Variants in LASP1 observed in about 807,000 individuals in gnomAD.
LASP1 encodes LIM and SH3 protein 1.
Under a neutral mutation model 38.6 loss-of-function variants are expected in LASP1, and 10 were observed. The ratio of observed to expected loss-of-function variants is 0.26; its 90% CI spans 0.16 to 0.44. The LOEUF (loss-of-function observed/expected upper bound fraction) is 0.44, where lower values mean the gene tolerates loss of function less well. Ranked by LOEUF, LASP1 falls within the 20% of genes least tolerant of loss-of-function variation. The pLI, the probability that LASP1 is intolerant of heterozygous loss-of-function variation, is 1.00. For synonymous variants in LASP1, 132 were observed against 140.8 expected (o/e 0.94, Z 0.44); for missense variants, 243 against 375.7 (o/e 0.65, Z 2.92).
chr17:38,907,396 C>T (rs918323065), intron 4 of LASP1, among the ~76,000 whole-genome samples: 1 of 152,092 alleles, frequency 6.6e-6, no homozygotes, highest in Non-Finnish European at 1.5e-5. Flanking sequence ...GGGACTTGGG[C>T]GTGTGGTCAC....
At position 38,918,634 on chromosome 17, in the gene LASP1, C is replaced by A; in HGVS notation, c.642C>A (p.Ser214Arg). 1 of 1,610,090 alleles carries A rather than the reference C, an allele frequency of 6.2e-7. No homozygotes were observed. Among genetic ancestry groups the A allele is most frequent in the South Asian group, 1.1e-5 (1 of 90,860 alleles). ...GKRYRAVYDY[S>R]AADEDEVSFQ... is the part of the protein sequence containing the mutation. Reference sequence around the variant, plus strand: ...GGTACCGCGCGGTGTATGACTACAGCGCCGCCGACGAGGACGAGGTCTCCT... The same window carrying A: ...GGTACCGCGCGGTGTATGACTACAGAGCCGCCGACGAGGACGAGGTCTCCT... Residue 214 changes from serine to arginine, a missense_variant, in exon 7 of 7, where the codon AGC becomes AGA. By Grantham distance (110) the Ser-to-Arg change is moderately radical. This residue lies in a region of LASP1 where 165 missense variants were observed against 210.3 expected (regional missense o/e 0.78). Coordinates refer to ENST00000318008, the MANE Select transcript of LASP1 (RefSeq NM_006148.4). This position sits in a 1 kb window ranked among gnomAD's most constrained non-coding sequence, Gnocchi z 4.4.
At chr17:38,880,041 A>G (rs1219814060) in intron 2 of LASP1, among the ~76,000 whole-genome samples, 2 of 152,072 alleles carry the variant, frequency 1.3e-5, no homozygotes, top group Non-Finnish European at 2.9e-5. Context: ...GGGAAATGGG[A>G]CATTCTTCGA....
chr17:38,890,843 A>G (rs1179833864), intron 3 of LASP1, among the ~76,000 whole-genome samples: 12 of 152,168 alleles, frequency 7.9e-5, no homozygotes, highest in African/African-American at 2.9e-4. Flanking sequence ...GGGGAGGACC[A>G]GGGAATTTGC....
At chr17:38,882,309 G>T (rs532361681) in intron 2 of LASP1, among the ~76,000 whole-genome samples, 1 of 152,202 alleles carries the variant, frequency 6.6e-6, no homozygotes, top group Non-Finnish European at 1.5e-5. Flanking sequence ...GTGCAGTGGT[G>T]CGATCTCCGC....
chr17:38,878,100 A>T lies in LASP1; in HGVS notation c.84A>T (p.Ala28=), dbSNP rs755274304. Residue 28 remains alanine, a synonymous_variant, in exon 2 of 7, where the codon GCA becomes GCT. Coordinates refer to ENST00000318008, the MANE Select transcript of LASP1 (RefSeq NM_006148.4). ...TCCATCCCCAGTTCTGGCATAAAGC[A>T]TGCTTCCATTGCGAGACCTGCAAGA... The part of the protein sequence containing the change: ...VNCLDKFWHK[A]CFHCETCKMT... 1 of 1,613,724 alleles carries T rather than the reference A, an allele frequency of 6.2e-7. No individual in the cohort carries two copies. The highest frequency in any genetic ancestry group is 8.5e-7 in the Non-Finnish European group (1 of 1,179,664).
intron 3 of LASP1, among the ~76,000 whole-genome samples, chr17:38,892,359 C>T (rs866494527): frequency 9.9e-5 from 15 of 152,158 alleles, no homozygotes; most frequent in South Asian, 4.1e-4. Context: ...CACCCACCTG[C>T]GGCACAGAAG....
chr17:38,881,968 G>C (rs1388393212), intron 2 of LASP1, among the ~76,000 whole-genome samples: 1 of 152,230 alleles, frequency 6.6e-6, no homozygotes, highest in African/African-American at 2.4e-5. Context: ...GACTTGTTTG[G>C]GGGAGAGGCA....
At position 38,918,909 on chromosome 17, in the gene LASP1, GCTT is replaced by G; in HGVS notation, c.*135_*137del. ...GCTTGTGATTCCTACCCCTCTTCCAGCTTCTTTTGCCAACTGAAGCCTTCTTCT... is the reference window on the plus strand; with the variant it reads ...GCTTGTGATTCCTACCCCTCTTCCAGCTTTTGCCAACTGAAGCCTTCTTCT... On this transcript the variant is annotated 3_prime_UTR_variant, in exon 7 of 7. Coordinates refer to ENST00000318008, the MANE Select transcript of LASP1 (RefSeq NM_006148.4). The surrounding 1 kb of genome is among the most constrained non-coding windows in gnomAD (Gnocchi z 4.4). 9.4e-7 allele frequency: 1 copy of G among 1,059,448 alleles called. No homozygotes were observed. Among genetic ancestry groups the G allele is most frequent in the Non-Finnish European group, 1.3e-6 (1 of 745,026 alleles). 65.6% of individuals were successfully genotyped at this position (1,059,448 alleles called of 1,614,324 possible). A position where few individuals can be genotyped will look rare whatever the true frequency, so the allele number is the denominator to read the frequency against.
Position 38,890,499 on chromosome 17 carries a change from A to G in LASP1, c.244A>G (p.Ser82Gly), listed in dbSNP as rs1385782338. The change falls in exon 3 of 7, where the codon AGT (serine) becomes GGT (glycine). Residue 82 changes from serine to glycine, a missense_variant. Physicochemically the swap from Ser to Gly is moderately conservative, Grantham distance 56 (BLOSUM62 0). Transcript: ENST00000318008. ...LRLKQQSELQSQVRYKEEFEK... is the reference protein window; with the variant it reads ...LRLKQQSELQGQVRYKEEFEK... Reference sequence around the variant, plus strand: ...CCTCAAGCAACAGAGTGAGCTCCAGAGTCAGGTGAGGGGCTGGGCGGTGCT... The same window carrying G: ...CCTCAAGCAACAGAGTGAGCTCCAGGGTCAGGTGAGGGGCTGGGCGGTGCT... The G allele has an allele frequency of 1.2e-6, 2 of 1,613,746 alleles. No individual in the cohort carries two copies. Among genetic ancestry groups the G allele is most frequent in the Non-Finnish European group, 1.7e-6 (2 of 1,179,920 alleles).
At chr17:38,876,542 T>G (rs1275385088) in intron 1 of LASP1, among the ~76,000 whole-genome samples, 4 of 151,586 alleles carry the variant, frequency 2.6e-5, no homozygotes, top group Non-Finnish European at 5.9e-5. Context: ...TTTTGTATTT[T>G]TAGTAGATAC....
intron 3 of LASP1, among the ~76,000 whole-genome samples, chr17:38,891,319 G>A (rs1427810644): frequency 2.6e-5 from 4 of 152,128 alleles, no homozygotes; most frequent in Non-Finnish European, 4.4e-5. Context: ...GACTGCAGAG[G>A]TTCCACCCGG....
At chr17:38,890,393 C>T in intron 2 of LASP1, 27 bp from the exon 3 acceptor site, 1 of 1,598,064 alleles carries the variant, frequency 6.3e-7, no homozygotes, top group Non-Finnish European at 8.6e-7. Context: ...CCAGAGTCAC[C>T]CCCACTCTGT....
intron 3 of LASP1, among the ~76,000 whole-genome samples, chr17:38,891,399 G>A (rs1005951385): frequency 5.3e-5 from 8 of 152,172 alleles, no homozygotes; most frequent in South Asian, 4.1e-4. Context: ...GTGACTGCCC[G>A]GGTCCATCAG....
intron 4 of LASP1, among the ~76,000 whole-genome samples, chr17:38,907,485 G>A (rs538938337): frequency 2.0e-5 from 3 of 152,294 alleles, no homozygotes; most frequent in African/African-American, 7.2e-5. Flanking sequence ...GGCTGTTACT[G>A]AGCAATGAAA....
chr17:38,913,764 G>A (rs1247641938), intron 4 of LASP1, among the ~76,000 whole-genome samples: 1 of 152,212 alleles, frequency 6.6e-6, no homozygotes, highest in African/African-American at 2.4e-5. Flanking sequence ...CACTTTGGGA[G>A]GCCGAGGCGG....
At position 38,919,149 on chromosome 17, in the gene LASP1, G is replaced by A. The variant is rs938151803; in HGVS notation, c.*371G>A. ...TACCCACACATTCCAGGGCTGGGGT[G>A]AGCCTGACTGCCAGGACCCCAGGTC... is the stretch of plus-strand genomic sequence containing the variant. On this transcript the variant is annotated 3_prime_UTR_variant, in exon 7 of 7. Coordinates refer to ENST00000318008, the MANE Select transcript of LASP1 (RefSeq NM_006148.4). 1 of 297,660 alleles carries A rather than the reference G, an allele frequency of 3.4e-6. No individual in the cohort carries two copies. The highest frequency in any genetic ancestry group is 6.4e-6 in the Non-Finnish European group (1 of 155,304). 18.4% of individuals were successfully genotyped at this position (297,660 alleles called of 1,614,324 possible).
intron 2 of LASP1, among the ~76,000 whole-genome samples, chr17:38,879,807 C>A (rs1913890032): frequency 6.6e-6 from 1 of 152,044 alleles, no homozygotes; most frequent in African/African-American, 2.4e-5. Context: ...TGCTATAATA[C>A]ATACTAACCT....
chr17:38,918,545 A>G lies in LASP1; in HGVS notation c.613-60A>G. On this transcript the variant is annotated intron_variant, in intron 6 of 6. Coordinates refer to ENST00000318008, the MANE Select transcript of LASP1 (RefSeq NM_006148.4). This position sits in a 1 kb window ranked among gnomAD's most constrained non-coding sequence, Gnocchi z 4.4. ...CAGGGTCGTGGAGAGTTAGAAAAAA[A>G]TGCTCAGACCCAGGTGAGCCGGCAT... 2.7e-6 allele frequency: 4 copies of G among 1,505,848 alleles called. No homozygotes were observed. Among genetic ancestry groups the G allele is most frequent in the South Asian group, 2.6e-5 (2 of 76,376 alleles). 93.3% of individuals were successfully genotyped at this position (1,505,848 alleles called of 1,614,324 possible).
At chr17:38,905,453 C>T (rs1914749638) in intron 4 of LASP1, among the ~76,000 whole-genome samples, 1 of 147,172 alleles carries the variant, frequency 6.8e-6, no homozygotes, top group Non-Finnish European at 1.5e-5. Flanking sequence ...AATCACTGAA[C>T]CTGGGAGGCA....
Sources: gnomAD v4.1 joint callset for allele counts (sites outside exome capture counted in the v4.1 genomes callset) on GRCh38, gnomAD v4.1.1 for gene constraint, gnomAD v4.1.1 regional missense constraint, Gnocchi (gnomAD v3.1) non-coding constraint, MANE v1.5 for transcripts, NCBI Gene and HGNC (gene_info 2026-07-23, HGNC 2026-07-21) for gene names.